The following MAP9 variants were observed in gnomAD, a reference collection of about 807,000 sequenced individuals.
MAP9 encodes microtubule-associated protein 9.
In MAP9, 80 loss-of-function variants were observed where a neutral mutation model predicts 75.2. That is an observed-to-expected ratio of 1.06 (90% CI 0.89 to 1.28). The LOEUF (loss-of-function observed/expected upper bound fraction) is 1.28. MAP9 is among the 50% of genes most tolerant of loss of function. The pLI is 0.00. For synonymous variants in MAP9, 235 were observed against 237.3 expected (o/e 0.99, Z 0.09); for missense variants, 753 against 719.9 (o/e 1.05, Z -0.53).
At chr4:155,369,127 C>T (rs1244306155) in intron 4 of MAP9, among the ~76,000 whole-genome samples, 2 of 152,096 alleles carry the variant, frequency 1.3e-5, no homozygotes, top group East Asian at 1.9e-4. Flanking sequence ...TCGAGACCAG[C>T]CTGGCTAACA....
intron 10 of MAP9, 30 bp from the exon 11 acceptor site, chr4:155,353,370 A>G: frequency 6.6e-7 from 1 of 1,509,888 alleles, no homozygotes; most frequent in Non-Finnish European, 8.8e-7. Context: ...AGAGTGATAT[A>G]CATATATATG....
At chr4:155,361,635 T>A (rs2111239095) in intron 6 of MAP9, among the ~76,000 whole-genome samples, 1 of 152,192 alleles carries the variant, frequency 6.6e-6, no homozygotes, top group Admixed American at 6.6e-5. Context: ...GTTAGTTACT[T>A]TGCTTATGTA....
Position 155,347,717 on chromosome 4 carries a change from G to T in MAP9, c.*66C>A. On this transcript the variant is annotated 3_prime_UTR_variant, in exon 14 of 14. Coordinates refer to ENST00000311277, the MANE Select transcript of MAP9 (RefSeq NM_001039580.2). ...TTCCTCTAACTATAAATAATTGAAT[G>T]GTTTTAAATCTATGGCTAATATTGG... is the stretch of plus-strand genomic sequence containing the variant. 1 of 1,388,154 alleles carries T rather than the reference G, an allele frequency of 7.2e-7. No homozygotes were observed. Among genetic ancestry groups the T allele is most frequent in the East Asian group, 2.4e-5 (1 of 41,046 alleles). 86.0% of individuals were successfully genotyped at this position (1,388,154 alleles called of 1,614,324 possible).
chr4:155,360,166 A>G lies in MAP9; in HGVS notation c.1050+2T>C. 6.2e-7 allele frequency: 1 copy of G among 1,604,530 alleles called. No homozygotes were observed. The highest frequency in any genetic ancestry group is 8.5e-7 in the Non-Finnish European group (1 of 1,173,188). On this transcript the variant is annotated splice_donor_variant, in intron 7 of 13. Coordinates refer to ENST00000311277, the MANE Select transcript of MAP9 (RefSeq NM_001039580.2). LOFTEE classifies it high-confidence loss of function. Reference sequence around the variant, plus strand: ...ATGAAAAGTATGAATTTTTACAAATACCTTTGAAGATGCTGTTGCACTGGT... The same window carrying G: ...ATGAAAAGTATGAATTTTTACAAATGCCTTTGAAGATGCTGTTGCACTGGT...
At chr4:155,375,708 A>C in intron 2 of MAP9, 68 bp downstream of exon 2, 6 of 1,002,848 alleles carry the variant, frequency 6.0e-6, no homozygotes, top group Middle Eastern at 2.1e-4. Flanking sequence ...CTGTTCTAGA[A>C]TCACCAATTT....
chr4:155,362,280 C>G (rs1021809452), intron 5 of MAP9, 139 bp from the exon 6 acceptor site: 2 of 567,430 alleles, frequency 3.5e-6, no homozygotes, highest in South Asian at 5.8e-5. Flanking sequence ...GTTGCTGAAA[C>G]GCAAAGTGTG....
At position 155,344,430 on chromosome 4, in the gene MAP9, T is replaced by A. The variant is rs1237454775; in HGVS notation, c.*3353A>T. 1.3e-5 allele frequency: 2 copies of A among 151,934 alleles called. No homozygotes were observed. Among genetic ancestry groups the A allele is most frequent in the African/African-American group, 4.8e-5 (2 of 41,412 alleles). 9.4% of individuals were successfully genotyped at this position (151,934 alleles called of 1,614,324 possible). On this transcript the variant is annotated 3_prime_UTR_variant, in exon 14 of 14. Transcript: ENST00000311277. Reference sequence around the variant, plus strand: ...TATGAGATTGGACAAGTCAAAGTACTTGACAATCAGTTTCTTCAACTTAGA... The same window carrying A: ...TATGAGATTGGACAAGTCAAAGTACATGACAATCAGTTTCTTCAACTTAGA...
chr4:155,369,296 TC>T (rs1314970935), intron 4 of MAP9, among the ~76,000 whole-genome samples: 9 of 141,174 alleles, frequency 6.4e-5, no homozygotes, highest in Admixed American at 1.5e-4. Flanking sequence ...ACCACTGCAC[TC>T]CAGCCTGGGT....
rs756639693 is a variant in MAP9 at position 155,346,702 on chromosome 4, T to C, written c.*1081A>G. ...GATTATATATTAGATGCTCAATAAA[T>C]AGGAACTATATATTCTCATCCATCA... On this transcript the variant is annotated 3_prime_UTR_variant, in exon 14 of 14. Transcript: ENST00000311277. The C allele has an allele frequency of 5.9e-5, 9 of 152,686 alleles. No individual in the cohort carries two copies. Among genetic ancestry groups the C allele is most frequent in the Non-Finnish European group, 1.3e-4 (9 of 68,022 alleles). 9.5% of individuals were successfully genotyped at this position (152,686 alleles called of 1,614,324 possible). A position where few individuals can be genotyped will look rare whatever the true frequency, so the allele number is the denominator to read the frequency against.
intron 4 of MAP9, among the ~76,000 whole-genome samples, chr4:155,369,907 AT>A (rs750135618): frequency 6.6e-6 from 1 of 152,158 alleles, no homozygotes; most frequent in Non-Finnish European, 1.5e-5. Context: ...TTTTGCCTGC[AT>A]TTTACCTGCT....
chr4:155,349,420 G>A (rs1731413890), intron 13 of MAP9: 1 of 152,124 alleles, frequency 6.6e-6, no homozygotes, highest in South Asian at 2.1e-4. Context: ...TCTGCAGGTT[G>A]ATGGCTTGGG....
At chr4:155,351,332 C>G (rs1731499868) in intron 13 of MAP9, 1 of 151,196 alleles carries the variant, frequency 6.6e-6, no homozygotes, top group Non-Finnish European at 1.5e-5. Flanking sequence ...AAATTCCAAG[C>G]AGAACAAATG....
rs1731247325 is a variant in MAP9 at position 155,345,411 on chromosome 4, A to T, written c.*2372T>A. ...TACTTACTTAGCTTTCTTTTTAGGA[A>T]GGCCCTAATACAAGGCATCTTTCTG... On this transcript the variant is annotated 3_prime_UTR_variant, in exon 14 of 14. Transcript: ENST00000311277. 1 of 151,736 alleles carries T rather than the reference A, an allele frequency of 6.6e-6. No individual in the cohort carries two copies. Among genetic ancestry groups the T allele is most frequent in the Non-Finnish European group, 1.5e-5 (1 of 67,912 alleles). 9.4% of individuals were successfully genotyped at this position (151,736 alleles called of 1,614,324 possible). A position where few individuals can be genotyped will look rare whatever the true frequency, so the allele number is the denominator to read the frequency against.
intron 10 of MAP9, chr4:155,354,207 A>C: frequency 6.6e-6 from 1 of 152,116 alleles, no homozygotes. Flanking sequence ...ATCTATTTTT[A>C]GTATTGAACA....
intron 6 of MAP9, 53 bp downstream of exon 6, chr4:155,361,995 A>T (rs1482853242): frequency 2.0e-6 from 2 of 976,478 alleles, no homozygotes; most frequent in Admixed American, 4.5e-5. Flanking sequence ...TACAAACAGG[A>T]GTCTAAGTAG....
At position 155,345,988 on chromosome 4, in the gene MAP9, A is replaced by G. The variant is rs1055451110; in HGVS notation, c.*1795T>C. On this transcript the variant is annotated 3_prime_UTR_variant, in exon 14 of 14. Transcript: ENST00000311277. ...GTCCTAAATTCCATGCTGATACTAC[A>G]TATTGCTGATAATCAGATCAATTTC... 6.6e-6 allele frequency: 1 copy of G among 152,212 alleles called. No individual in the cohort carries two copies. The highest frequency in any genetic ancestry group is 2.1e-4 in the South Asian group (1 of 4,834). 9.4% of individuals were successfully genotyped at this position (152,212 alleles called of 1,614,324 possible). A position where few individuals can be genotyped will look rare whatever the true frequency, so the allele number is the denominator to read the frequency against.
chr4:155,374,468 AAG>A (rs534999336), intron 3 of MAP9, among the ~76,000 whole-genome samples: 79 of 152,352 alleles, frequency 5.2e-4, no homozygotes, highest in African/African-American at 1.8e-3. Flanking sequence ...ATGAAACACG[AAG>A]AGTCTGTGGT....
intron 4 of MAP9, among the ~76,000 whole-genome samples, chr4:155,369,625 G>A (rs998808044): frequency 2.0e-5 from 3 of 152,050 alleles, no homozygotes; most frequent in Non-Finnish European, 4.4e-5. Context: ...TTTACAGGTT[G>A]ATTTTTCTAA....
intron 8 of MAP9, among the ~76,000 whole-genome samples, chr4:155,356,476 T>C (rs1035505488): frequency 2.0e-5 from 3 of 152,174 alleles, no homozygotes; most frequent in African/African-American, 7.2e-5. Flanking sequence ...TATTTGTAAT[T>C]AGAAACTTAA....
Sources: allele counts gnomAD v4.1 joint callset (sites outside exome capture counted in the v4.1 genomes callset), GRCh38; gene constraint gnomAD v4.1.1; transcripts MANE v1.5; gene names NCBI Gene and HGNC (gene_info 2026-07-23, HGNC 2026-07-21).